Variants in GRK5 observed in about 807,000 individuals in gnomAD.
GRK5 encodes g protein-coupled receptor kinase GRK5.
In GRK5, 40 loss-of-function variants were observed where a neutral mutation model predicts 78.4. The ratio of observed to expected loss-of-function variants is 0.51; its 90% CI spans 0.40 to 0.66. GRK5 has a LOEUF of 0.66. Among genes scored for constraint, GRK5 ranks in the 30% least tolerant of loss-of-function variants. The probability of loss-of-function intolerance (pLI) is 0.00; values close to 1 mark genes in which losing one functional copy is unlikely to be tolerated. For missense variants in GRK5, 598 were observed against 759.9 expected (o/e 0.79, Z 2.50); for synonymous variants, 289 against 296.8 (o/e 0.97, Z 0.27).
chr10:119,409,890 G>A (rs536474667), intron 4 of GRK5, among the ~76,000 whole-genome samples: 4 of 152,304 alleles, frequency 2.6e-5, no homozygotes, highest in East Asian at 1.9e-4. Context: ...TTTCCCCACC[G>A]TGAACATCCC....
At chr10:119,275,203 G>A (rs1481318945) in intron 1 of GRK5, among the ~76,000 whole-genome samples, 1 of 152,158 alleles carries the variant, frequency 6.6e-6, no homozygotes, top group Admixed American at 6.5e-5. Flanking sequence ...CTGACTGTGA[G>A]GTTTCAGACG....
At chr10:119,300,333 G>A (rs1850155474) in intron 1 of GRK5, among the ~76,000 whole-genome samples, 1 of 152,192 alleles carries the variant, frequency 6.6e-6, no homozygotes, top group Non-Finnish European at 1.5e-5. Flanking sequence ...ACCTTCTAAA[G>A]GACTAGCCAC....
intron 1 of GRK5, among the ~76,000 whole-genome samples, chr10:119,210,084 C>T (rs908684579): frequency 6.6e-6 from 1 of 152,174 alleles, no homozygotes; most frequent in Non-Finnish European, 1.5e-5. Context: ...TGTGGAGTGA[C>T]CGACTCCCAT....
intron 11 of GRK5, 101 bp downstream of exon 11, chr10:119,442,189 A>C (rs1853051603): frequency 7.9e-6 from 7 of 884,330 alleles, no homozygotes; most frequent in African/African-American, 1.6e-5. Context: ...TCGCCTCTTC[A>C]TGCACTGCTG....
At chr10:119,225,223 T>G (rs569666209) in intron 1 of GRK5, among the ~76,000 whole-genome samples, 1 of 152,310 alleles carries the variant, frequency 6.6e-6, no homozygotes, top group Non-Finnish European at 1.5e-5. Flanking sequence ...AAATCAAAAG[T>G]CAAAAATAAA....
chr10:119,417,241 G>C (rs1440823197), intron 4 of GRK5, among the ~76,000 whole-genome samples: 1 of 152,222 alleles, frequency 6.6e-6, no homozygotes, highest in Non-Finnish European at 1.5e-5. Flanking sequence ...CCCGGATTCA[G>C]TGCTGAGTGT....
At chr10:119,291,555 T>TTCCTCCTCCTCCTCC (rs1428958504) in intron 1 of GRK5, among the ~76,000 whole-genome samples, 1 of 114,604 alleles carries the variant, frequency 8.7e-6, no homozygotes, top group African/African-American at 3.4e-5. Flanking sequence ...CCTCCTCCTC[T>TTCCTCCTCCTCCTCC]TCCTCCTCCT....
chr10:119,259,630 G>A (rs889053255), intron 1 of GRK5, among the ~76,000 whole-genome samples: 3 of 152,172 alleles, frequency 2.0e-5, no homozygotes, highest in South Asian at 2.1e-4. Context: ...CTGTGACCAG[G>A]GAAGTGGGTC....
chr10:119,399,683 C>T (rs1852115951), intron 4 of GRK5, among the ~76,000 whole-genome samples: 1 of 152,230 alleles, frequency 6.6e-6, no homozygotes, highest in South Asian at 2.1e-4. Flanking sequence ...CTGAGAAGTC[C>T]TGCAAGAAAG....
chr10:119,275,611 T>TCTCTCA (rs574879389), intron 1 of GRK5, among the ~76,000 whole-genome samples: 1 of 123,912 alleles, frequency 8.1e-6, no homozygotes, highest in Admixed American at 7.9e-5. Flanking sequence ...TCTCTCTCTC[T>TCTCTCA]CGCACACACA....
At chr10:119,282,661 C>T (rs1849781187) in intron 1 of GRK5, among the ~76,000 whole-genome samples, 1 of 152,200 alleles carries the variant, frequency 6.6e-6, no homozygotes, top group Non-Finnish European at 1.5e-5. Flanking sequence ...AGGGTTGGCC[C>T]CGGTGGTCTG....
At chr10:119,333,789 C>T in intron 2 of GRK5, 1 of 533,066 alleles carries the variant, frequency 1.9e-6, no homozygotes, top group Non-Finnish European at 3.8e-6. Flanking sequence ...GATCGCTGAT[C>T]TCCTGGAGCT....
At chr10:119,265,116 A>G (rs895742572) in intron 1 of GRK5, among the ~76,000 whole-genome samples, 1 of 152,142 alleles carries the variant, frequency 6.6e-6, no homozygotes, top group Non-Finnish European at 1.5e-5. Context: ...CATGTTTGTT[A>G]TCTCAAAGTG....
intron 4 of GRK5, among the ~76,000 whole-genome samples, chr10:119,417,671 C>T (rs1852487591): frequency 1.3e-5 from 2 of 152,040 alleles, no homozygotes; most frequent in African/African-American, 4.8e-5. Context: ...TCTGATGGAA[C>T]AGAAGATGAG....
chr10:119,414,458 C>T (rs1168931321), intron 4 of GRK5, among the ~76,000 whole-genome samples: 3 of 152,342 alleles, frequency 2.0e-5, no homozygotes, highest in South Asian at 2.1e-4. Flanking sequence ...TCCACCGCAC[C>T]TCCTTATCCA....
In GRK5 at chr10:119,238,027, CT is replaced by C. The variant is rs965761004; in HGVS notation, c.52+30060del. Among the ~76,000 whole-genome samples, 131 of 152,280 alleles carry C rather than the reference CT, an allele frequency of 8.6e-4. No individual in the cohort carries two copies. The highest frequency in any genetic ancestry group is 2.9e-3 in the African/African-American group (121 of 41,552). On this transcript the variant is annotated intron_variant, in intron 1 of 15. Transcript: ENST00000392870. The surrounding 1 kb of genome is among the most constrained non-coding windows in gnomAD (Gnocchi z 4.7). ...GCTTCTTGCATTTCCTGTCTTTAAACTTACGAACTAAAGGGCTTGAGGGTGA... is the reference window on the plus strand; with the variant it reads ...GCTTCTTGCATTTCCTGTCTTTAAACTACGAACTAAAGGGCTTGAGGGTGA...
At position 119,431,585 on chromosome 10, in the gene GRK5, T is replaced by A; in HGVS notation, c.738+58T>A. On this transcript the variant is annotated intron_variant, in intron 8 of 15. Transcript: ENST00000392870. This position sits in a 1 kb window ranked among gnomAD's most constrained non-coding sequence, Gnocchi z 4.8. ...GCCCTTCTGTGGACTGGGGCTTCCCTCCCTCCGGAAGGGCGTGGTCCTCTA... is the reference window on the plus strand; with the variant it reads ...GCCCTTCTGTGGACTGGGGCTTCCCACCCTCCGGAAGGGCGTGGTCCTCTA... The A allele has an allele frequency of 6.3e-7, 1 of 1,578,668 alleles. No homozygotes were observed. Among genetic ancestry groups the A allele is most frequent in the Non-Finnish European group, 8.6e-7 (1 of 1,161,068 alleles).
chr10:119,446,687 G>A (rs1221536143), intron 12 of GRK5, among the ~76,000 whole-genome samples: 1 of 152,340 alleles, frequency 6.6e-6, no homozygotes, highest in African/African-American at 2.4e-5. Flanking sequence ...GTGGTCCGTG[G>A]GGGCGTTAAG....
intron 1 of GRK5, among the ~76,000 whole-genome samples, chr10:119,259,190 G>T (rs1589706765): frequency 6.6e-6 from 1 of 150,522 alleles, no homozygotes; most frequent in African/African-American, 2.4e-5. Context: ...TCAGCCTCCC[G>T]AGTAGCTGGG....
Sources: allele counts gnomAD v4.1 joint callset (sites outside exome capture counted in the v4.1 genomes callset), GRCh38; gene constraint gnomAD v4.1.1; non-coding constraint Gnocchi (gnomAD v3.1); transcripts MANE v1.5; gene names NCBI Gene and HGNC (gene_info 2026-07-23, HGNC 2026-07-21).